ZNF618: variants seen among roughly 807,000 people sequenced by gnomAD.
ZNF618 encodes zinc finger protein 618.
Under a neutral mutation model 103.0 loss-of-function variants are expected in ZNF618, and 34 were observed. The observed-to-expected ratio is 0.33, with a 90% confidence interval of 0.25 to 0.44. ZNF618 has a LOEUF of 0.44. ZNF618 is among the 20% of genes least tolerant of loss of function. The pLI is 1.00. For missense variants in ZNF618, 1,059 were observed against 1,295.4 expected, an observed-to-expected ratio of 0.82 and a Z score of 2.80; for synonymous variants, 551 against 542.2, an observed-to-expected ratio of 1.02 and a Z score of -0.23.
At chr9:114,009,811 T>TGGGTGGGTTCCCTCC (rs1842076981) in intron 9 of ZNF618, among the ~76,000 whole-genome samples, 1 of 152,166 alleles carries the variant, frequency 6.6e-6, no homozygotes, top group Non-Finnish European at 1.5e-5. Flanking sequence ...TGGAAGGGGT[T>TGGGTGGGTTCCCTCC]GGGTGGGTTC....
chr9:114,005,734 G>A (rs527416623), intron 6 of ZNF618, among the ~76,000 whole-genome samples: 4 of 152,330 alleles, frequency 2.6e-5, no homozygotes, highest in Admixed American at 6.5e-5. Context: ...TGGTCTGGAC[G>A]GGACCTGATG....
chr9:113,992,058 A>G (rs1840116867), intron 3 of ZNF618, among the ~76,000 whole-genome samples: 1 of 152,156 alleles, frequency 6.6e-6, no homozygotes, highest in Admixed American at 6.5e-5. Flanking sequence ...TAAAAACAAA[A>G]TCAGTGTTAG....
chr9:113,916,074 G>C (rs1002342691), intron 1 of ZNF618, among the ~76,000 whole-genome samples: 3 of 27,824 alleles, frequency 1.1e-4, no homozygotes, highest in Non-Finnish European at 2.7e-4. Context: ...GCGTGTGTCT[G>C]TGTGTGTGTG....
Position 113,962,259 on chromosome 9 carries a change from A to G in ZNF618, c.34-6858A>G, listed in dbSNP as rs554271240. On this transcript the variant is annotated intron_variant, in intron 1 of 14. Transcript: ENST00000374126. ...ACTCTTTCTTTATGTCATACCCCAC[A>G]TCTAATTTACCAGCACCAACCAGTA... Among the ~76,000 whole-genome samples the G allele has an allele frequency of 6.6e-5, 10 of 152,278 alleles. No homozygotes were observed. The South Asian group carries it at 1.0e-3, about 16-fold the overall frequency.
At chr9:114,030,052 C>A (rs1056111601) in intron 11 of ZNF618, among the ~76,000 whole-genome samples, 14 of 152,144 alleles carry the variant, frequency 9.2e-5, no homozygotes, top group African/African-American at 3.4e-4. Context: ...AGACCAAAGC[C>A]ATTTCTTAAA....
intron 9 of ZNF618, among the ~76,000 whole-genome samples, chr9:114,010,590 G>A (rs1842153899): frequency 6.6e-6 from 1 of 152,070 alleles, no homozygotes; most frequent in Non-Finnish European, 1.5e-5. Context: ...TGTAGTCCCA[G>A]CTACTTGGGA....
At chr9:114,035,637 T>C (rs1339843981) in intron 12 of ZNF618, among the ~76,000 whole-genome samples, 1 of 149,890 alleles carries the variant, frequency 6.7e-6, no homozygotes, top group Non-Finnish European at 1.5e-5. Flanking sequence ...TCTCTCCTCC[T>C]CCCTCTTCTC....
chr9:113,998,146 A>G (rs1415687568), intron 3 of ZNF618, 113 bp from the exon 4 acceptor site: 5 of 913,182 alleles, frequency 5.5e-6, no homozygotes, highest in Non-Finnish European at 8.5e-6. Context: ...ACGAAGAGGT[A>G]GGCAGTGTGA....
intron 4 of ZNF618, among the ~76,000 whole-genome samples, chr9:113,999,715 C>A (rs1019304541): frequency 3.3e-5 from 5 of 152,228 alleles, no homozygotes; most frequent in Non-Finnish European, 7.3e-5. Context: ...GCCTCTGTGC[C>A]CCCAGGCCCT....
chr9:113,888,444 T>G (rs1829283026), intron 1 of ZNF618, among the ~76,000 whole-genome samples: 1 of 152,254 alleles, frequency 6.6e-6, no homozygotes, highest in African/African-American at 2.4e-5. Flanking sequence ...AATACCACGT[T>G]TGAAAACAGT....
intron 13 of ZNF618, among the ~76,000 whole-genome samples, chr9:114,043,305 A>T (rs1450604602): frequency 1.3e-5 from 2 of 152,244 alleles, no homozygotes; most frequent in African/African-American, 2.4e-5. Flanking sequence ...GAATTGCCAG[A>T]TTGTTTCCTA....
intron 3 of ZNF618, among the ~76,000 whole-genome samples, chr9:113,992,627 G>C (rs940928100): frequency 4.6e-5 from 7 of 151,834 alleles, no homozygotes; most frequent in African/African-American, 1.7e-4. Flanking sequence ...TCAGAGACGG[G>C]CTCTGTTGCT....
At chr9:114,000,543 ATTC>A (rs796210332) in intron 4 of ZNF618, among the ~76,000 whole-genome samples, 2 of 151,676 alleles carry the variant, frequency 1.3e-5, no homozygotes, top group African/African-American at 2.4e-5. Context: ...GCCCAAGACA[ATTC>A]TTCTTCCAGT....
intron 9 of ZNF618, among the ~76,000 whole-genome samples, chr9:114,012,260 G>C (rs1466295955): frequency 6.6e-6 from 1 of 152,178 alleles, no homozygotes; most frequent in Non-Finnish European, 1.5e-5. Flanking sequence ...TCTGGAAGCT[G>C]GAAAGCCTGA....
At chr9:114,005,979 A>G (rs1841717564) in intron 6 of ZNF618, among the ~76,000 whole-genome samples, 1 of 152,160 alleles carries the variant, frequency 6.6e-6, no homozygotes, top group Non-Finnish European at 1.5e-5. Flanking sequence ...GAATGTCTCC[A>G]AGGAACCTGT....
In ZNF618 at chr9:114,036,136, C is replaced by T. The variant is rs73658321; in HGVS notation, c.1169-164C>T. 8.3e-3 allele frequency among the ~76,000 whole-genome samples: 1,271 copies of T among 152,356 alleles called. 16 individuals carry two copies. The highest frequency in any genetic ancestry group is 0.028 in the African/African-American group (1,153 of 41,582). On this transcript the variant is annotated intron_variant, in intron 12 of 14. Transcript: ENST00000374126. ...CATCATTCCTTCACCCAGCTTCTCC[C>T]TCATGGGTCTAGTGACGGGGGAGGC...
At chr9:113,883,898 T>C (rs568684468) in intron 1 of ZNF618, among the ~76,000 whole-genome samples, 95 of 148,088 alleles carry the variant, frequency 6.4e-4, no homozygotes, top group African/African-American at 2.3e-3. Flanking sequence ...CATCTTGGGA[T>C]TGAGTGTTGT....
At chr9:114,038,886 T>A (rs1844869403) in intron 13 of ZNF618, among the ~76,000 whole-genome samples, 1 of 152,216 alleles carries the variant, frequency 6.6e-6, no homozygotes, top group Admixed American at 6.5e-5. Context: ...AAGTATCCAA[T>A]AGCATTTGAG....
intron 1 of ZNF618, among the ~76,000 whole-genome samples, chr9:113,889,066 T>C (rs1829350778): frequency 6.6e-6 from 1 of 152,164 alleles, no homozygotes; most frequent in African/African-American, 2.4e-5. Context: ...AGACGGTTAT[T>C]GCTGTGCAAC....
Sources: allele counts gnomAD v4.1 joint callset (sites outside exome capture counted in the v4.1 genomes callset), GRCh38; gene constraint gnomAD v4.1.1; transcripts MANE v1.5; gene names NCBI Gene and HGNC (gene_info 2026-07-23, HGNC 2026-07-21).